MBOAT2: variants seen among roughly 807,000 people sequenced by gnomAD.
The protein encoded by MBOAT2 is membrane-bound glycerophospholipid O-acyltransferase 2.
In MBOAT2, 28 loss-of-function variants were observed where a neutral mutation model predicts 63.4. That is an observed-to-expected ratio of 0.44 (90% CI 0.33 to 0.61). MBOAT2 has a LOEUF of 0.61. Among genes scored for constraint, MBOAT2 ranks in the 20% least tolerant of loss-of-function variants. The pLI is 0.03. For synonymous variants in MBOAT2, 211 were observed against 215.6 expected (o/e 0.98, Z 0.19); for missense variants, 470 against 605.8 (o/e 0.78, Z 2.35).
intron 6 of MBOAT2, among the ~76,000 whole-genome samples, chr2:8,882,288 C>T (rs1301811853): frequency 6.6e-6 from 1 of 152,150 alleles, no homozygotes; most frequent in Admixed American, 6.5e-5. Flanking sequence ...CCATAGGAGG[C>T]GCAAATGTAC....
At chr2:9,000,451 C>G (rs1416921328) in intron 1 of MBOAT2, among the ~76,000 whole-genome samples, 2 of 152,176 alleles carry the variant, frequency 1.3e-5, no homozygotes, top group African/African-American at 4.8e-5. Context: ...AAAGTCAACT[C>G]TAAGGTGCTT....
intron 4 of MBOAT2, among the ~76,000 whole-genome samples, chr2:8,888,447 G>A (rs1572969364): frequency 1.3e-5 from 2 of 152,206 alleles, no homozygotes; most frequent in East Asian, 3.9e-4. Flanking sequence ...TTTCTGCTCA[G>A]TACTTTCTTC....
chr2:8,891,315 T>A (rs1393421613), intron 4 of MBOAT2, among the ~76,000 whole-genome samples: 1 of 152,204 alleles, frequency 6.6e-6, no homozygotes, highest in Non-Finnish European at 1.5e-5. Flanking sequence ...CAGTAAGGGA[T>A]GAGCAGATTA....
chr2:8,876,444 C>T (rs1051130913), intron 7 of MBOAT2, among the ~76,000 whole-genome samples: 8 of 152,174 alleles, frequency 5.3e-5, no homozygotes, highest in Non-Finnish European at 1.2e-4. Context: ...GTGCCTGGCA[C>T]ATGGTGAGCA....
chr2:8,992,674 C>T (rs1041110725), intron 1 of MBOAT2, among the ~76,000 whole-genome samples: 4 of 152,286 alleles, frequency 2.6e-5, no homozygotes, highest in East Asian at 1.9e-4. Flanking sequence ...CTAAGTCTGG[C>T]GGAGAAAATC....
chr2:9,002,961 G>A (rs761564604), intron 1 of MBOAT2, among the ~76,000 whole-genome samples: 2 of 152,114 alleles, frequency 1.3e-5, no homozygotes, highest in African/African-American at 2.4e-5. Flanking sequence ...TCTCTCTTAA[G>A]CCACAATCCA....
intron 7 of MBOAT2, among the ~76,000 whole-genome samples, chr2:8,876,355 A>G (rs1662698875): frequency 6.6e-6 from 1 of 152,210 alleles, no homozygotes; most frequent in South Asian, 2.1e-4. Context: ...AGTTTCCTCA[A>G]TGGTGAGAAA....
At chr2:8,896,467 G>T (rs561894429) in intron 4 of MBOAT2, among the ~76,000 whole-genome samples, 4 of 152,086 alleles carry the variant, frequency 2.6e-5, no homozygotes, top group African/African-American at 9.7e-5. Context: ...TGTAGAGTAA[G>T]GATAGATTTC....
intron 1 of MBOAT2, among the ~76,000 whole-genome samples, chr2:8,972,489 A>T (rs1329502824): frequency 6.6e-6 from 1 of 152,236 alleles, no homozygotes; most frequent in Non-Finnish European, 1.5e-5. Flanking sequence ...CACCAAAAGC[A>T]GTGGCAACAA....
chr2:8,909,260 A>G (rs1558602724), intron 3 of MBOAT2, among the ~76,000 whole-genome samples: 2 of 152,226 alleles, frequency 1.3e-5, no homozygotes, highest in African/African-American at 4.8e-5. Context: ...GGGAAAAAGA[A>G]CTTATATATC....
rs1010968960 is a variant in MBOAT2 at position 8,853,086 on chromosome 2, T to G, written c.*5593A>C. 6.6e-6 allele frequency: 1 copy of G among 152,210 alleles called. No homozygotes were observed. Among genetic ancestry groups the G allele is most frequent in the Non-Finnish European group, 1.5e-5 (1 of 68,042 alleles). The allele number at this position is 152,210 out of a possible 1,614,324, so 9.4% of individuals were successfully genotyped here. Reference sequence around the variant, plus strand: ...GGGCGACTGAGGGCTCAACTACTACTAGGCAGAGATCAAGACAACGTTTAA... The same window carrying G: ...GGGCGACTGAGGGCTCAACTACTACGAGGCAGAGATCAAGACAACGTTTAA... On this transcript the variant is annotated 3_prime_UTR_variant, in exon 13 of 13. Coordinates refer to ENST00000305997, the MANE Select transcript of MBOAT2 (RefSeq NM_138799.4).
At chr2:8,895,243 T>C (rs1412255195) in intron 4 of MBOAT2, among the ~76,000 whole-genome samples, 1 of 152,014 alleles carries the variant, frequency 6.6e-6, no homozygotes, top group Non-Finnish European at 1.5e-5. Flanking sequence ...AGAGTGCTGA[T>C]AGGTCCATTC....
At chr2:8,972,149 A>G (rs373352700) in intron 1 of MBOAT2, among the ~76,000 whole-genome samples, 15 of 152,140 alleles carry the variant, frequency 9.9e-5, no homozygotes, top group African/African-American at 1.4e-4. Context: ...AAAACAGCAT[A>G]GTACTGGTAC....
chr2:8,960,719 C>T (rs1669545846), intron 1 of MBOAT2, among the ~76,000 whole-genome samples: 1 of 152,188 alleles, frequency 6.6e-6, no homozygotes, highest in Non-Finnish European at 1.5e-5. Context: ...CTCTTTTCAA[C>T]ATTGTCATCG....
At chr2:8,941,558 GGAGGCT>G (rs1668051866) in intron 3 of MBOAT2, among the ~76,000 whole-genome samples, 2 of 151,962 alleles carry the variant, frequency 1.3e-5, no homozygotes, top group African/African-American at 2.4e-5. Context: ...CAGCTACTCC[GGAGGCT>G]GAGGCAGGAG....
chr2:8,990,804 C>T (rs553900160), intron 1 of MBOAT2, among the ~76,000 whole-genome samples: 1 of 152,290 alleles, frequency 6.6e-6, no homozygotes, highest in East Asian at 1.9e-4. Flanking sequence ...TTTTCCTTTA[C>T]TATGTGGCTT....
chr2:8,869,408 C>A (rs1662148689), intron 8 of MBOAT2, among the ~76,000 whole-genome samples: 1 of 152,128 alleles, frequency 6.6e-6, no homozygotes, highest in Non-Finnish European at 1.5e-5. Context: ...GCTTTATGTA[C>A]ATGCTTAAGC....
intron 2 of MBOAT2, among the ~76,000 whole-genome samples, chr2:8,950,273 G>A (rs184229011): frequency 6.6e-6 from 1 of 152,186 alleles, no homozygotes; most frequent in East Asian, 1.9e-4. Flanking sequence ...AAGACCGAGA[G>A]TTTGACTTCT....
At chr2:8,909,385 A>T (rs946558122) in intron 3 of MBOAT2, among the ~76,000 whole-genome samples, 1 of 152,228 alleles carries the variant, frequency 6.6e-6, no homozygotes, top group African/African-American at 2.4e-5. Context: ...ATTGGTTCAC[A>T]GTCTGGGTGG....
Sources: allele counts gnomAD v4.1 joint callset (sites outside exome capture counted in the v4.1 genomes callset), GRCh38; gene constraint gnomAD v4.1.1; transcripts MANE v1.5; gene names NCBI Gene and HGNC (gene_info 2026-07-23, HGNC 2026-07-21).